The following ZNF417 variants were observed in gnomAD, a reference collection of about 807,000 sequenced individuals.
ZNF417 encodes zinc finger protein 417.
In ZNF417, 5 loss-of-function variants were observed where a neutral mutation model predicts 7.4. The ratio of observed to expected loss-of-function variants is 0.68; its 90% CI spans 0.35 to 1.43. The LOEUF is 1.43. Among genes scored for constraint, ZNF417 ranks in the 40% most tolerant of loss-of-function variants. The pLI is 0.04. For missense variants in ZNF417, 437 were observed against 697.3 expected (o/e 0.63, Z 4.20); for synonymous variants, 147 against 239.1 (o/e 0.61, Z 3.55).
rs2071841277 is a variant in ZNF417 at position 57,907,310 on chromosome 19, T to C, written c.*1240A>G. The C allele has an allele frequency of 6.6e-6, 1 of 152,482 alleles. No homozygotes were observed. Among genetic ancestry groups the C allele is most frequent in the Non-Finnish European group, 1.5e-5 (1 of 68,180 alleles). 9.4% of individuals were successfully genotyped at this position (152,482 alleles called of 1,614,324 possible). A position where few individuals can be genotyped will look rare whatever the true frequency, so the allele number is the denominator to read the frequency against. Reference sequence around the variant, plus strand: ...CAGATATTCCATTTGCAAATTATGCTCCCCAAAAAACACAAACACATATGT... The same window carrying C: ...CAGATATTCCATTTGCAAATTATGCCCCCCAAAAAACACAAACACATATGT... On this transcript the variant is annotated 3_prime_UTR_variant, in exon 3 of 3. Coordinates refer to ENST00000312026, the MANE Select transcript of ZNF417 (RefSeq NM_152475.3).
At chr19:57,910,742 G>C (rs1233236024) in intron 2 of ZNF417, among the ~76,000 whole-genome samples, 1 of 151,500 alleles carries the variant, frequency 6.6e-6, no homozygotes, top group African/African-American at 2.4e-5. Context: ...TGACATGTGA[G>C]TGCTATGTAG....
chr19:57,913,211 C>T (rs2071915219), intron 1 of ZNF417, among the ~76,000 whole-genome samples: 1 of 151,994 alleles, frequency 6.6e-6, no homozygotes, highest in South Asian at 2.1e-4. Flanking sequence ...TGGCCTTATA[C>T]CAAAATGTGG....
In ZNF417 at chr19:57,907,687, C is replaced by T. The variant is rs1240684546; in HGVS notation, c.*863G>A. 2 of 154,936 alleles carry T rather than the reference C, an allele frequency of 1.3e-5. No homozygotes were observed. Among genetic ancestry groups the T allele is most frequent in the African/African-American group, 2.4e-5 (1 of 41,610 alleles). The allele number at this position is 154,936 out of a possible 1,614,324, so 9.6% of individuals were successfully genotyped here. Reference sequence around the variant, plus strand: ...ACGGCCAAAACTGTGGCTACAGTGTCGACATTCATGCAAGTGGGGAAATGG... The same window carrying T: ...ACGGCCAAAACTGTGGCTACAGTGTTGACATTCATGCAAGTGGGGAAATGG... On this transcript the variant is annotated 3_prime_UTR_variant, in exon 3 of 3. Coordinates refer to ENST00000312026, the MANE Select transcript of ZNF417 (RefSeq NM_152475.3).
chr19:57,913,687 T>C (rs1396721789), intron 1 of ZNF417, among the ~76,000 whole-genome samples: 1 of 152,196 alleles, frequency 6.6e-6, no homozygotes. Flanking sequence ...ATCTCATCTA[T>C]TCTCTCCTCG....
In ZNF417 at chr19:57,909,128, C is replaced by G. The variant is rs1172635690; in HGVS notation, c.1150G>C (p.Glu384Gln). The change falls in exon 3 of 3, where the codon GAA (glutamate) becomes CAA (glutamine). Residue 384 changes from glutamate to glutamine, a missense_variant. Coordinates refer to ENST00000312026, the MANE Select transcript of ZNF417 (RefSeq NM_152475.3). ...HTGERPYKCG[E>Q]CGKSFGQKGN... is the part of the protein sequence containing the mutation. Reference sequence around the variant, plus strand: ...TTTTGACCAAAAGATTTTCCACATTCTCCACACTTGTAAGGCCTTTCTCCA... The same window carrying G: ...TTTTGACCAAAAGATTTTCCACATTGTCCACACTTGTAAGGCCTTTCTCCA... 1.2e-6 allele frequency: 2 copies of G among 1,614,054 alleles called. No individual in the cohort carries two copies. Among genetic ancestry groups the G allele is most frequent in the Non-Finnish European group, 1.7e-6 (2 of 1,180,054 alleles).
At chr19:57,915,125 AC>A (rs2071936056) in intron 1 of ZNF417, among the ~76,000 whole-genome samples, 1 of 152,136 alleles carries the variant, frequency 6.6e-6, no homozygotes, top group South Asian at 2.1e-4. Context: ...AGGTAACCCT[AC>A]GGCTGGTTGT....
At chr19:57,912,874 A>C (rs928245835) in intron 1 of ZNF417, among the ~76,000 whole-genome samples, 3 of 151,934 alleles carry the variant, frequency 2.0e-5, no homozygotes, top group African/African-American at 7.3e-5. Context: ...CTTGGCCTCC[A>C]AAAGTGAGAT....
chr19:57,908,737 T>C lies in ZNF417; in HGVS notation c.1541A>G (p.His514Arg), dbSNP rs751330978. 1.2e-6 allele frequency: 2 copies of C among 1,614,170 alleles called. No individual in the cohort carries two copies. Among genetic ancestry groups the C allele is most frequent in the South Asian group, 2.2e-5 (2 of 91,084 alleles). Residue 514 changes from histidine (H) to arginine (R), a missense_variant, in exon 3 of 3, where the codon CAT becomes CGT. Transcript: ENST00000312026. ...GCACTTATAAGGCTTTTGTCCAGAATGAACTCTTTTATGAACATGAAGCGC... is the reference window on the plus strand; with the variant it reads ...GCACTTATAAGGCTTTTGTCCAGAACGAACTCTTTTATGAACATGAAGCGC... The part of the protein sequence containing the change: ...SSALHVHKRV[H>R]SGQKPYKCSE...
At chr19:57,916,289 ACAGAC>A in intron 1 of ZNF417, 85 bp downstream of exon 1, 6 of 1,609,222 alleles carry the variant, frequency 3.7e-6, no homozygotes, top group Non-Finnish European at 5.1e-6. Flanking sequence ...GGTACCGGCT[ACAGAC>A]CCGTGAGCAG....
chr19:57,913,153 C>T (rs2071914682), intron 1 of ZNF417, among the ~76,000 whole-genome samples: 1 of 151,956 alleles, frequency 6.6e-6, no homozygotes, highest in Admixed American at 6.6e-5. Context: ...AAGGTTGTCC[C>T]ACTTTCACAA....
intron 2 of ZNF417, 105 bp downstream of exon 2, chr19:57,911,955 G>A (rs1351383502): frequency 6.7e-7 from 1 of 1,497,228 alleles, no homozygotes; most frequent in East Asian, 2.4e-5. Flanking sequence ...AGTGTAGAAG[G>A]AACCTGTGTC....
chr19:57,905,936 T>C lies in ZNF417; in HGVS notation c.*2614A>G, dbSNP rs1483263340. Among the ~76,000 whole-genome samples, 1 of 152,178 alleles carries C rather than the reference T, an allele frequency of 6.6e-6. No homozygotes were observed. The highest frequency in any genetic ancestry group is 2.4e-5 in the African/African-American group (1 of 41,454). ...CTAAAATTGCTTAGTACTGAAAGTT[T>C]TGCCTATATAAACTGTAGTTTATGA... On this transcript the variant is annotated 3_prime_UTR_variant, in exon 3 of 3. Transcript: ENST00000312026.
At position 57,908,546 on chromosome 19, in the gene ZNF417, G is replaced by A; in HGVS notation, c.*4C>T. ...CAGCAAACGATTTCCCATATTCACT[G>A]CACTCATAAGGCCTTTCTCCTGTGT... On this transcript the variant is annotated 3_prime_UTR_variant, in exon 3 of 3. Transcript: ENST00000312026. 4 of 1,614,176 alleles carry A rather than the reference G, an allele frequency of 2.5e-6. No individual in the cohort carries two copies. The highest frequency in any genetic ancestry group is 1.1e-5 in the South Asian group (1 of 91,086).
Position 57,908,778 on chromosome 19 carries a change from T to C in ZNF417, c.1500A>G (p.Ser500=). The change falls in exon 3 of 3, where the codon TCA becomes TCG. Residue 500 remains serine, a synonymous_variant. Coordinates refer to ENST00000312026, the MANE Select transcript of ZNF417 (RefSeq NM_152475.3). ...CATGAAGCGCAGAGCTGGAAAGAAATGATTTCCCACATTCATTGCATTCAT... is the reference window on the plus strand; with the variant it reads ...CATGAAGCGCAGAGCTGGAAAGAAACGATTTCCCACATTCATTGCATTCAT... ...RPYECNECGK[S]FLSSSALHVH... 1 of 1,613,086 alleles carries C rather than the reference T, an allele frequency of 6.2e-7. No individual in the cohort carries two copies. Among genetic ancestry groups the C allele is most frequent in the Non-Finnish European group, 8.5e-7 (1 of 1,179,264 alleles).
At chr19:57,912,403 T>C (rs764374511) in intron 1 of ZNF417, among the ~76,000 whole-genome samples, 68 of 152,056 alleles carry the variant, frequency 4.5e-4, no homozygotes, top group Non-Finnish European at 8.8e-4. Context: ...CATGCTGAGG[T>C]CCTGACATAA....
intron 1 of ZNF417, among the ~76,000 whole-genome samples, chr19:57,913,409 A>G (rs2071917189): frequency 6.6e-6 from 1 of 152,220 alleles, no homozygotes; most frequent in South Asian, 2.1e-4. Flanking sequence ...GTGCTGCACC[A>G]GCTGAGACCT....
In ZNF417 at chr19:57,906,816, G is replaced by C. The variant is rs1435535079; in HGVS notation, c.*1734C>G. ...AATATCTAAGCCCATATAACCTGCTGTTATAAAAGGTAACATTTAGGGATT... is the reference window on the plus strand; with the variant it reads ...AATATCTAAGCCCATATAACCTGCTCTTATAAAAGGTAACATTTAGGGATT... On this transcript the variant is annotated 3_prime_UTR_variant, in exon 3 of 3. Transcript: ENST00000312026. The C allele has an allele frequency of 8.3e-6, 1 of 120,068 alleles. No homozygotes were observed. The highest frequency in any genetic ancestry group is 1.8e-5 in the Non-Finnish European group (1 of 56,590). 7.4% of individuals were successfully genotyped at this position (120,068 alleles called of 1,614,324 possible).
chr19:57,914,981 C>T (rs2071934819), intron 1 of ZNF417, among the ~76,000 whole-genome samples: 1 of 152,102 alleles, frequency 6.6e-6, no homozygotes, highest in Admixed American at 6.6e-5. Flanking sequence ...GATTGAACAC[C>T]CTCCACTTCC....
chr19:57,916,570 G>T lies in ZNF417; in HGVS notation c.-159C>A, dbSNP rs1316497943. The stretch of plus-strand genomic sequence containing the variant: ...GGCCACAAACTGGGGAAACACCCGC[G>T]TCACCGATACACAGCCGCTACTAGA... On this transcript the variant is annotated 5_prime_UTR_variant, in exon 1 of 3. Transcript: ENST00000312026. 4 of 1,489,174 alleles carry T rather than the reference G, an allele frequency of 2.7e-6. No homozygotes were observed. The highest frequency in any genetic ancestry group is 3.6e-6 in the Non-Finnish European group (4 of 1,121,814). 92.2% of individuals were successfully genotyped at this position (1,489,174 alleles called of 1,614,324 possible).
Sources: gnomAD v4.1 joint callset for allele counts (sites outside exome capture counted in the v4.1 genomes callset) on GRCh38, gnomAD v4.1.1 for gene constraint, MANE v1.5 for transcripts, NCBI Gene and HGNC (gene_info 2026-07-23, HGNC 2026-07-21) for gene names.